ANK2: variants seen among roughly 807,000 people sequenced by gnomAD.
ANK2 encodes the protein ankyrin 2, also known as ankyrin-2.
ANK2 carries 83 observed loss-of-function variants against 360.5 expected under a neutral mutation model. That is an observed-to-expected ratio of 0.23 (90% CI 0.19 to 0.28). The LOEUF is 0.28. ANK2 is among the 10% of genes least tolerant of loss of function. The pLI is 1.00. For missense variants in ANK2, 4,201 were observed against 4,795.7 expected, an observed-to-expected ratio of 0.88 and a Z score of 3.66; for synonymous variants, 1,740 against 1,759.5, an observed-to-expected ratio of 0.99 and a Z score of 0.28.
the ANK2 span, among the ~76,000 whole-genome samples, chr4:112,708,579 A>G: frequency 6.6e-6 from 1 of 152,200 alleles, no homozygotes; most frequent in Non-Finnish European, 1.5e-5. Flanking sequence ...ACATTTACTC[A>G]GCATAAAGTA....
At chr4:113,021,541 C>CAT (rs57817594) in intron 2 of ANK2, among the ~76,000 whole-genome samples, 2,609 of 95,296 alleles carry the variant, frequency 0.027, 64 homozygotes, top group African/African-American at 0.035. Context: ...CACACACAAA[C>CAT]ATATATATAT....
chr4:112,822,741 T>A (rs188172249), intron 1 of ANK2, among the ~76,000 whole-genome samples: 28 of 135,450 alleles, frequency 2.1e-4, no homozygotes, highest in Middle Eastern at 7.2e-3. Context: ...TGTAACCCTG[T>A]CTCAAAAAAA....
At chr4:112,889,297 G>A (rs1176193707) in intron 1 of ANK2, among the ~76,000 whole-genome samples, 1 of 151,202 alleles carries the variant, frequency 6.6e-6, no homozygotes, top group African/African-American at 2.4e-5. Flanking sequence ...TTCTTTTATG[G>A]GAGATATTGC....
chr4:113,315,161 T>C (rs895729175), intron 24 of ANK2, among the ~76,000 whole-genome samples: 1 of 152,200 alleles, frequency 6.6e-6, no homozygotes, highest in African/African-American at 2.4e-5. Flanking sequence ...ACAAAACCAA[T>C]TGAGAGATAG....
the ANK2 span, among the ~76,000 whole-genome samples, chr4:112,786,629 TC>T: frequency 6.6e-6 from 1 of 151,898 alleles, no homozygotes; most frequent in Non-Finnish European, 1.5e-5. Flanking sequence ...TCTCCTGACC[TC>T]CTGCCCACCT....
At chr4:112,726,602 C>G in the ANK2 span, among the ~76,000 whole-genome samples, 1 of 151,854 alleles carries the variant, frequency 6.6e-6, no homozygotes, top group Non-Finnish European at 1.5e-5. Context: ...TAAGAATTCT[C>G]TTATTGCGGG....
At chr4:112,816,047 G>C (rs1377142870), upstream of ANK2, among the ~76,000 whole-genome samples, 1 of 152,162 alleles carries the variant, frequency 6.6e-6, no homozygotes, top group African/African-American at 2.4e-5. Flanking sequence ...CAAAAGTGTG[G>C]GTAACCTGGG....
At chr4:113,282,902 A>G in intron 18 of ANK2, 30 bp downstream of exon 18, 1 of 1,610,570 alleles carries the variant, frequency 6.2e-7, no homozygotes. Flanking sequence ...ATCAATCAAG[A>G]GTGTTTTGGA....
chr4:112,765,000 C>A, the ANK2 span, among the ~76,000 whole-genome samples: 1 of 152,180 alleles, frequency 6.6e-6, no homozygotes, highest in Admixed American at 6.5e-5. Context: ...GCCACCGTGC[C>A]CGGCAATGCT....
chr4:113,357,005 C>T lies in ANK2; in HGVS notation c.8387C>T (p.Pro2796Leu), dbSNP rs182956726. The change falls in exon 38 of 46, where the codon CCG (proline) becomes CTG (leucine). Residue 2796 changes from proline to leucine, a missense_variant. By Grantham distance (98) the Pro-to-Leu change is moderately conservative. This residue lies in a region of ANK2 where 2,642 missense variants were observed against 2,714.5 expected (regional missense o/e 0.97). Coordinates refer to ENST00000357077, the MANE Select transcript of ANK2 (RefSeq NM_001148.6). ...AAPVSSGLQSPTGDDVDEQPV... is the reference protein window; with the variant it reads ...AAPVSSGLQSLTGDDVDEQPV... ...CCTGTCTCTTCAGGTCTACAGAGTCCGACTGGTGATGATGTTGATGAACAG... is the reference window on the plus strand; with the variant it reads ...CCTGTCTCTTCAGGTCTACAGAGTCTGACTGGTGATGATGTTGATGAACAG... 38 of 1,613,934 alleles carry T rather than the reference C, an allele frequency of 2.4e-5. No homozygotes were observed. Among genetic ancestry groups the T allele is most frequent in the East Asian group, 2.2e-4 (10 of 44,850 alleles).
At chr4:113,279,653 G>A (rs866226704) in intron 17 of ANK2, among the ~76,000 whole-genome samples, 2 of 147,882 alleles carry the variant, frequency 1.4e-5, no homozygotes, top group African/African-American at 4.9e-5. Context: ...TAAAAAATAG[G>A]ATATATACAT....
the ANK2 span, among the ~76,000 whole-genome samples, chr4:112,802,693 G>C: frequency 6.6e-6 from 1 of 151,950 alleles, no homozygotes; most frequent in South Asian, 2.1e-4. Flanking sequence ...GAGTAAATTG[G>C]GTTGAAAAAA....
At chr4:112,814,731 AGTC>A (rs2055519954), upstream of ANK2, among the ~76,000 whole-genome samples, 1 of 152,212 alleles carries the variant, frequency 6.6e-6, no homozygotes. Flanking sequence ...CTGTTGCTGT[AGTC>A]CAGGAGACAA....
chr4:112,750,795 T>G, the ANK2 span, among the ~76,000 whole-genome samples: 4 of 152,108 alleles, frequency 2.6e-5, no homozygotes, highest in South Asian at 8.3e-4. Flanking sequence ...TGGTGCAGTC[T>G]TGGCTCACTG....
intron 1 of ANK2, among the ~76,000 whole-genome samples, chr4:112,897,470 C>T (rs951503310): frequency 2.0e-5 from 3 of 152,102 alleles, no homozygotes; most frequent in African/African-American, 4.8e-5. Context: ...TCAGGATCAG[C>T]CTCTTTATTT....
In ANK2 at chr4:113,242,238, A is replaced by G. The variant is rs148661574; in HGVS notation, c.891+29A>G. 762 of 1,586,168 alleles carry G rather than the reference A, an allele frequency of 4.8e-4. 2 individuals carry two copies. In the African/African-American group the frequency reaches 9.1e-3, roughly 19 times the overall value. On this transcript the variant is annotated intron_variant, in intron 9 of 45. Coordinates refer to ENST00000357077, the MANE Select transcript of ANK2 (RefSeq NM_001148.6). ...AGTGTCTCTGTTCTTTCAATTTTCT[A>G]CCATTATTATTTCTTTCAAGCCTCA...
chr4:112,788,005 T>C, the ANK2 span: 3 of 730,908 alleles, frequency 4.1e-6, no homozygotes, highest in Admixed American at 2.1e-5. Flanking sequence ...ATATTATGTA[T>C]TACCCAATGT....
chr4:112,852,423 T>C (rs1457583476), intron 1 of ANK2, among the ~76,000 whole-genome samples: 2 of 152,228 alleles, frequency 1.3e-5, no homozygotes, highest in Admixed American at 6.5e-5. Flanking sequence ...TTTTAAAAAA[T>C]CTCTTTCCAA....
intron 2 of ANK2, among the ~76,000 whole-genome samples, chr4:112,927,880 AC>A (rs995676607): frequency 2.0e-5 from 3 of 152,188 alleles, no homozygotes; most frequent in African/African-American, 7.2e-5. Flanking sequence ...TGCTTTCTAG[AC>A]CAATTAACTT....
Sources: gnomAD v4.1 joint callset for allele counts (sites outside exome capture counted in the v4.1 genomes callset) on GRCh38, gnomAD v4.1.1 for gene constraint, gnomAD v4.1.1 regional missense constraint, MANE v1.5 for transcripts, NCBI Gene and HGNC (gene_info 2026-07-23, HGNC 2026-07-21) for gene names.